SMARCD1: variants seen among roughly 807,000 people sequenced by gnomAD.
SMARCD1 encodes SWI/SNF-related matrix-associated actin-dependent regulator of chromatin subfamily D member 1.
A neutral mutation model predicts 70.8 loss-of-function variants in SMARCD1; 16 were observed. The observed-to-expected ratio is 0.23, with a 90% CI of 0.15 to 0.34. The LOEUF is 0.34. SMARCD1 is among the 10% of genes least tolerant of loss of function. SMARCD1 has a pLI of 1.00. For missense variants in SMARCD1, 409 were observed against 655.5 expected, an observed-to-expected ratio of 0.62 and a Z score of 4.11; for synonymous variants, 249 against 246.0, an observed-to-expected ratio of 1.01 and a Z score of -0.11.
chr12:50,087,266 C>G, intron 4 of SMARCD1, 97 bp from the exon 5 acceptor site: 3 of 1,445,670 alleles, frequency 2.1e-6, no homozygotes, highest in Non-Finnish European at 2.8e-6. Context: ...GACAGTAAGC[C>G]AGTCTGTTAG....
chr12:50,087,567 T>C, intron 5 of SMARCD1, 82 bp downstream of exon 5: 3 of 1,508,802 alleles, frequency 2.0e-6, no homozygotes, highest in Non-Finnish European at 2.7e-6. Context: ...GCAGGAAGCC[T>C]AACTGGTGCT....
At chr12:50,093,315 A>G (rs1483529245) in intron 9 of SMARCD1, among the ~76,000 whole-genome samples, 1 of 149,458 alleles carries the variant, frequency 6.7e-6, no homozygotes, top group Non-Finnish European at 1.5e-5. Flanking sequence ...CAGCCTCCCA[A>G]GTAGTTGTAA....
Position 50,087,313 on chromosome 12 carries a change from A to C in SMARCD1, c.532-50A>C, listed in dbSNP as rs1338099790. On this transcript the variant is annotated intron_variant, in intron 4 of 12. Transcript: ENST00000394963. ...GGGTTTGGGGAGACCGTTGTCTTCA[A>C]CATCAGACCACTGAAGCCCCACGAT... The C allele has an allele frequency of 2.5e-6, 4 of 1,601,012 alleles. No individual in the cohort carries two copies. In the Admixed American group the frequency reaches 5.1e-5, roughly 20 times the overall value.
At chr12:50,096,626 A>G in intron 10 of SMARCD1, 1 of 467,796 alleles carries the variant, frequency 2.1e-6, no homozygotes, top group Non-Finnish European at 3.9e-6. Context: ...ACCAAAAGGA[A>G]AGCTTTCCTC....
At chr12:50,085,673 TGGGGGAGGCAGTGCGCAGAAAGAGA>T (rs566928546) in intron 1 of SMARCD1, 127 bp downstream of exon 1, 535 of 55,072 alleles carry the variant, frequency 9.7e-3, no homozygotes, top group African/African-American at 0.061. Flanking sequence ...GGGTGGGGGT[TGGGGGAGGCAGTGCGCAGAAAGAGA>T]GGGGGAGGCA....
chr12:50,098,682 C>A lies in SMARCD1; in HGVS notation c.1393-32C>A. 2 of 1,542,528 alleles carry A rather than the reference C, an allele frequency of 1.3e-6. 1 individual carries two copies. Among genetic ancestry groups the A allele is most frequent in the South Asian group, 2.2e-5 (2 of 89,388 alleles). ...AGGAAACAAGCCTTTTCTCCTCTCT[C>A]TTCCTCCACCCTGCATCTCCATTTC... On this transcript the variant is annotated intron_variant, in intron 11 of 12. Transcript: ENST00000394963.
At position 50,099,399 on chromosome 12, in the gene SMARCD1, C is replaced by G. The variant is rs1462927699; in HGVS notation, c.*399C>G. 1 of 454,826 alleles carries G rather than the reference C, an allele frequency of 2.2e-6. No homozygotes were observed. The highest frequency in any genetic ancestry group is 2.0e-5 in the African/African-American group (1 of 50,586). 28.2% of individuals were successfully genotyped at this position (454,826 alleles called of 1,614,324 possible). A position where few individuals can be genotyped will look rare whatever the true frequency, so the allele number is the denominator to read the frequency against. ...GGAGTTGGGAGCTTTCGCTCCTTCT[C>G]CAAGACTCAGGCCTGTGGGCACTCT... is the stretch of plus-strand genomic sequence containing the variant. On this transcript the variant is annotated 3_prime_UTR_variant, in exon 13 of 13. Transcript: ENST00000394963.
In SMARCD1 at chr12:50,086,785, C is replaced by T; in HGVS notation, c.438C>T (p.Ala146=). 2 of 1,614,006 alleles carry T rather than the reference C, an allele frequency of 1.2e-6. No individual in the cohort carries two copies. The highest frequency in any genetic ancestry group is 8.5e-7 in the Non-Finnish European group (1 of 1,179,958). The part of the protein sequence containing the change: ...RIRELVPESQ[A]YMDLLAFERK... Reference sequence around the variant, plus strand: ...GTGAACTGGTACCAGAATCCCAGGCCTATATGGATCTCTTGGCTTTTGAAA... The same window carrying T: ...GTGAACTGGTACCAGAATCCCAGGCTTATATGGATCTCTTGGCTTTTGAAA... Residue 146 remains alanine (A), a synonymous_variant, in exon 4 of 13, where the codon GCC becomes GCT. Coordinates refer to ENST00000394963, the MANE Select transcript of SMARCD1 (RefSeq NM_003076.5).
At position 50,099,981 on chromosome 12, in the gene SMARCD1, G is replaced by A. The variant is rs1435973777; in HGVS notation, c.*981G>A. The A allele has an allele frequency of 6.5e-6, 1 of 152,688 alleles. No homozygotes were observed. Among genetic ancestry groups the A allele is most frequent in the African/African-American group, 2.4e-5 (1 of 41,440 alleles). The allele number at this position is 152,688 out of a possible 1,614,324, so 9.5% of individuals were successfully genotyped here. A position where few individuals can be genotyped will look rare whatever the true frequency, so the allele number is the denominator to read the frequency against. On this transcript the variant is annotated 3_prime_UTR_variant, in exon 13 of 13. Coordinates refer to ENST00000394963, the MANE Select transcript of SMARCD1 (RefSeq NM_003076.5). Reference sequence around the variant, plus strand: ...CTACTGGTGACTTCTAGGGCACTGAGGAGTGAAAGCGCCTAGGGCTGGAGA... The same window carrying A: ...CTACTGGTGACTTCTAGGGCACTGAAGAGTGAAAGCGCCTAGGGCTGGAGA...
chr12:50,098,481 C>A, intron 11 of SMARCD1: 1 of 540,218 alleles, frequency 1.9e-6, no homozygotes. Flanking sequence ...TAAATTTCCC[C>A]TCTTTATAAG....
chr12:50,090,413 G>GA lies in SMARCD1; in HGVS notation c.1035+12dup. ...AAGTACCTGCAGCAGGTAAGTAATG[G>GA]ACCCATTCTTTTGCTAGAATCCATT... On this transcript the variant is annotated intron_variant, in intron 8 of 12. Transcript: ENST00000394963. The GA allele has an allele frequency of 1.9e-6, 3 of 1,613,800 alleles. No individual in the cohort carries two copies. The highest frequency in any genetic ancestry group is 2.5e-6 in the Non-Finnish European group (3 of 1,179,792).
At chr12:50,097,273 G>A (rs555033086) in intron 11 of SMARCD1, among the ~76,000 whole-genome samples, 15 of 152,322 alleles carry the variant, frequency 9.8e-5, no homozygotes, top group African/African-American at 3.4e-4. Context: ...TAGTATAGCC[G>A]GGCATGGTGG....
At chr12:50,092,231 C>CTTTCTT (rs1950850786) in intron 9 of SMARCD1, among the ~76,000 whole-genome samples, 1 of 98,372 alleles carries the variant, frequency 1.0e-5, no homozygotes, top group Non-Finnish European at 2.0e-5. Context: ...TCTTTTCTTT[C>CTTTCTT]TTTCTTTTTT....
chr12:50,098,054 A>C (rs1031188323), intron 11 of SMARCD1, among the ~76,000 whole-genome samples: 5 of 152,156 alleles, frequency 3.3e-5, no homozygotes, highest in African/African-American at 1.2e-4. Flanking sequence ...CTCAGACAAG[A>C]AGATAGGAAT....
Position 50,099,008 on chromosome 12 carries a change from C to G in SMARCD1, c.*8C>G, listed in dbSNP as rs1950916728. On this transcript the variant is annotated 3_prime_UTR_variant, in exon 13 of 13. Transcript: ENST00000394963. ...GGAATCCGGAATACATAGGGCCTCT[C>G]CCACAGCCCTGATTCGACTGCACCA... is the stretch of plus-strand genomic sequence containing the variant. 3 of 1,613,198 alleles carry G rather than the reference C, an allele frequency of 1.9e-6. No individual in the cohort carries two copies. The highest frequency in any genetic ancestry group is 2.5e-6 in the Non-Finnish European group (3 of 1,179,184).
chr12:50,092,019 A>G (rs1258697596), intron 9 of SMARCD1, among the ~76,000 whole-genome samples: 1 of 152,022 alleles, frequency 6.6e-6, no homozygotes, highest in Non-Finnish European at 1.5e-5. Context: ...TTTTCTCTGG[A>G]TGGTACAGCA....
chr12:50,098,900 C>T lies in SMARCD1; in HGVS notation c.1495-47C>T, dbSNP rs750067489. 11 of 1,608,414 alleles carry T rather than the reference C, an allele frequency of 6.8e-6. No homozygotes were observed. In the South Asian group the frequency reaches 1.2e-4, roughly 18 times the overall value. The stretch of plus-strand genomic sequence containing the variant: ...GGGGGTCAGTGGTGTTAGATACCAA[C>T]TTCTGGTTTGTCTCATCTTCCACTC... On this transcript the variant is annotated intron_variant, in intron 12 of 12. Coordinates refer to ENST00000394963, the MANE Select transcript of SMARCD1 (RefSeq NM_003076.5).
rs561765521 is a variant in SMARCD1, at chr12:50,099,088, T to C, written c.*88T>C. On this transcript the variant is annotated 3_prime_UTR_variant, in exon 13 of 13. Coordinates refer to ENST00000394963, the MANE Select transcript of SMARCD1 (RefSeq NM_003076.5). The stretch of plus-strand genomic sequence containing the variant: ...CTCATAGTATCTGCCTTGGTCTTGC[T>C]TGGGGCGTTCCAGGGGATGCTGTTG... 7.0e-6 allele frequency: 9 copies of C among 1,279,216 alleles called. No individual in the cohort carries two copies. The East Asian group carries it at 2.1e-4, about 30-fold the overall frequency. 79.2% of individuals were successfully genotyped at this position (1,279,216 alleles called of 1,614,324 possible).
chr12:50,092,646 T>C lies in SMARCD1; in HGVS notation c.1134-1791T>C, dbSNP rs190910267. ...AGTAGTAACTCCTCAACCTATAAATTAGGTCAGTAGAAGTTGGTCTGTCCT... is the reference window on the plus strand; with the variant it reads ...AGTAGTAACTCCTCAACCTATAAATCAGGTCAGTAGAAGTTGGTCTGTCCT... On this transcript the variant is annotated intron_variant, in intron 9 of 12. Transcript: ENST00000394963. Among the ~76,000 whole-genome samples, 16 of 152,158 alleles carry C rather than the reference T, an allele frequency of 1.1e-4. No individual in the cohort carries two copies. The East Asian group carries it at 2.9e-3, about 28-fold the overall frequency.
Sources: allele counts gnomAD v4.1 joint callset (sites outside exome capture counted in the v4.1 genomes callset), GRCh38; gene constraint gnomAD v4.1.1; transcripts MANE v1.5; gene names NCBI Gene and HGNC (gene_info 2026-07-23, HGNC 2026-07-21).